Variants in CEP128 observed in about 807,000 individuals in gnomAD.
CEP128 encodes the protein centrosomal protein 128kDa.
A neutral mutation model predicts 156.7 loss-of-function variants in CEP128; 132 were observed. The ratio of observed to expected loss-of-function variants is 0.84; its 90% CI spans 0.73 to 0.97. The LOEUF (loss-of-function observed/expected upper bound fraction) is 0.97, where lower values mean the gene tolerates loss of function less well. Among genes scored for constraint, CEP128 ranks in the 50% least tolerant of loss-of-function variants. CEP128 has a pLI of 0.00. For missense variants in CEP128, 1,252 were observed against 1,281.9 expected (o/e 0.98, Z 0.36); for synonymous variants, 469 against 448.9 (o/e 1.04, Z -0.57).
At chr14:80,890,463 C>T (rs1889040777) in intron 8 of CEP128, among the ~76,000 whole-genome samples, 1 of 152,120 alleles carries the variant, frequency 6.6e-6, no homozygotes. Context: ...AAAATGAGTT[C>T]TTGTCCTTTG....
chr14:80,717,386 T>C (rs975153553), intron 19 of CEP128, among the ~76,000 whole-genome samples: 1 of 152,148 alleles, frequency 6.6e-6, no homozygotes, highest in Non-Finnish European at 1.5e-5. Flanking sequence ...AACAAATGAA[T>C]TTCACTTCAT....
rs536527182 is a variant in CEP128 at position 80,893,854 on chromosome 14, G to A, written c.645+1864C>T. Reference sequence around the variant, plus strand: ...ATAAACTAGGGGATTAAAGAGTCCAGAAACAGATGTTTGTGTATATGAACA... The same window carrying A: ...ATAAACTAGGGGATTAAAGAGTCCAAAAACAGATGTTTGTGTATATGAACA... On this transcript the variant is annotated intron_variant, in intron 8 of 24. Coordinates refer to ENST00000555265, the MANE Select transcript of CEP128 (RefSeq NM_152446.5). Among the ~76,000 whole-genome samples the A allele has an allele frequency of 3.9e-5, 6 of 152,030 alleles. No homozygotes were observed. In the East Asian group the frequency reaches 1.2e-3, roughly 29 times the overall value.
At chr14:80,601,946 T>A (rs768795747) in intron 19 of CEP128, among the ~76,000 whole-genome samples, 2 of 152,172 alleles carry the variant, frequency 1.3e-5, no homozygotes, top group Non-Finnish European at 2.9e-5. Context: ...TATAAATGCA[T>A]ATAATTCAAC....
intron 18 of CEP128, among the ~76,000 whole-genome samples, chr14:80,752,404 T>C (rs1032583560): frequency 6.6e-6 from 1 of 152,184 alleles, no homozygotes; most frequent in African/African-American, 2.4e-5. Flanking sequence ...GTTATAAATA[T>C]AATCAAGAAA....
At position 80,862,788 on chromosome 14, in the gene CEP128, T is replaced by G. The variant is rs1043740554; in HGVS notation, c.731A>C (p.Gln244Pro). The G allele has an allele frequency of 6.2e-7, 1 of 1,613,808 alleles. No individual in the cohort carries two copies. The highest frequency in any genetic ancestry group is 8.5e-7 in the Non-Finnish European group (1 of 1,179,700). The change falls in exon 9 of 25, where the codon CAA becomes CCA. Residue 244 changes from glutamine to proline, a missense_variant. Gln to Pro is a moderately conservative substitution (Grantham distance 76). Coordinates refer to ENST00000555265, the MANE Select transcript of CEP128 (RefSeq NM_152446.5). ...TAGCTGCAGGGACATGAGTCCCAGT[T>G]GATCCTGGCGTCTTTCCACCAGCTC... ...ERELVERRQDQLGLMSLQLQE... is the reference protein window; with the variant it reads ...ERELVERRQDPLGLMSLQLQE...
At chr14:80,918,441 AGAC>A (rs1490933203) in intron 2 of CEP128, among the ~76,000 whole-genome samples, 2 of 152,224 alleles carry the variant, frequency 1.3e-5, no homozygotes, top group Non-Finnish European at 2.9e-5. Flanking sequence ...TGCTTACATA[AGAC>A]AACCCAATTT....
chr14:80,634,663 G>A (rs1328221699), intron 19 of CEP128, among the ~76,000 whole-genome samples: 2 of 151,954 alleles, frequency 1.3e-5, no homozygotes, highest in South Asian at 2.1e-4. Context: ...AGCCAACCTC[G>A]CAAGTTTAGT....
At chr14:80,565,985 G>C (rs979615673) in intron 20 of CEP128, among the ~76,000 whole-genome samples, 1 of 152,170 alleles carries the variant, frequency 6.6e-6, no homozygotes, top group Non-Finnish European at 1.5e-5. Context: ...CGTAAGAAGA[G>C]TCTTCTATCT....
rs775388270 is a variant in CEP128 at position 80,761,444 on chromosome 14, T to G, written c.2546A>C (p.Lys849Thr). 2 of 1,592,732 alleles carry G rather than the reference T, an allele frequency of 1.3e-6. No homozygotes were observed. The highest frequency in any genetic ancestry group is 1.7e-5 in the Admixed American group (1 of 58,682). The change falls in exon 17 of 25, where the codon AAA becomes ACA. Residue 849 changes from lysine to threonine, a missense_variant. By Grantham distance (78) the Lys-to-Thr change is moderately conservative. Coordinates refer to ENST00000555265, the MANE Select transcript of CEP128 (RefSeq NM_152446.5). ...ATGAGAATTCATAATTACTTTTAAT[T>G]TCTCCACTGAGTCCTTGGAGAATGT... ...CKTFSKDSVE[K>T]LKVFSSGPDI...
At chr14:80,619,369 C>CACACAG (rs1305408100) in intron 19 of CEP128, among the ~76,000 whole-genome samples, 271 of 137,062 alleles carry the variant, frequency 2.0e-3, no homozygotes, top group African/African-American at 7.0e-3. Flanking sequence ...GACACACAGA[C>CACACAG]ACACACACAC....
intron 5 of CEP128, chr14:80,905,631 A>G: frequency 5.1e-6 from 1 of 197,690 alleles, no homozygotes; most frequent in South Asian, 7.0e-5. Context: ...TTACGCTAGG[A>G]CAGGATACCT....
chr14:80,666,060 G>A (rs2140911386), intron 19 of CEP128, among the ~76,000 whole-genome samples: 1 of 152,248 alleles, frequency 6.6e-6, no homozygotes, highest in East Asian at 1.9e-4. Context: ...TAAAAATCAG[G>A]AGAGGACAAC....
chr14:80,643,304 T>G (rs901121730), intron 19 of CEP128, among the ~76,000 whole-genome samples: 1 of 152,164 alleles, frequency 6.6e-6, no homozygotes, highest in Non-Finnish European at 1.5e-5. Flanking sequence ...CACAGCCCTG[T>G]GGGAGATGGT....
chr14:80,509,412 C>T (rs1888141095), intron 23 of CEP128, among the ~76,000 whole-genome samples: 1 of 152,294 alleles, frequency 6.6e-6, no homozygotes, highest in Non-Finnish European at 1.5e-5. Context: ...ATTTCCTACA[C>T]CTGTTTGCCA....
intron 18 of CEP128, among the ~76,000 whole-genome samples, chr14:80,752,162 T>G (rs1251404545): frequency 6.6e-6 from 1 of 152,250 alleles, no homozygotes; most frequent in South Asian, 2.1e-4. Flanking sequence ...GTAGCAATAA[T>G]ATTAGGACCC....
At chr14:80,850,686 C>T (rs751708463) in intron 9 of CEP128, among the ~76,000 whole-genome samples, 36 of 152,270 alleles carry the variant, frequency 2.4e-4, no homozygotes, top group Admixed American at 9.2e-4. Flanking sequence ...ACTTTATTCA[C>T]GCTCACACAG....
chr14:80,591,368 G>A (rs962892777), intron 19 of CEP128, among the ~76,000 whole-genome samples: 4 of 151,936 alleles, frequency 2.6e-5, no homozygotes, highest in African/African-American at 4.8e-5. Flanking sequence ...CCTAGTCTCT[G>A]ATAAAATAGA....
intron 13 of CEP128, among the ~76,000 whole-genome samples, chr14:80,798,913 T>C (rs2609695): frequency 0.091 from 13,888 of 152,160 alleles, 744 homozygotes; most frequent in Middle Eastern, 0.12. Context: ...ACATTGAAAA[T>C]GGAAAATCTA....
In CEP128 at chr14:80,856,720, CTTTTTT is replaced by C. The variant is rs766724436; in HGVS notation, c.762+6031_762+6036del. On this transcript the variant is annotated intron_variant, in intron 9 of 24. Coordinates refer to ENST00000555265, the MANE Select transcript of CEP128 (RefSeq NM_152446.5). ...AGCATTTATCTCATGTTTTTCTTTT[CTTTTTT>C]TTTTTTTTTTTTTTTTTTTTTTGAG... Among the ~76,000 whole-genome samples, 239 of 65,154 alleles carry C rather than the reference CTTTTTT, an allele frequency of 3.7e-3. 2 individuals carry two copies. Among genetic ancestry groups the C allele is most frequent in the African/African-American group, 0.011 (180 of 15,764 alleles). 42.7% of individuals were successfully genotyped at this position (65,154 alleles called of 152,430 possible).
Sources: gnomAD v4.1 joint callset for allele counts (sites outside exome capture counted in the v4.1 genomes callset) on GRCh38, gnomAD v4.1.1 for gene constraint, MANE v1.5 for transcripts, NCBI Gene and HGNC (gene_info 2026-07-23, HGNC 2026-07-21) for gene names.